Variants in LMO2 observed in about 807,000 individuals in gnomAD.
LMO2 encodes the protein LIM domain only 2.
In LMO2, 20 loss-of-function variants were observed where a neutral mutation model predicts 23.2. The ratio of observed to expected loss-of-function variants is 0.86; its 90% CI spans 0.61 to 1.25. The LOEUF (loss-of-function observed/expected upper bound fraction) is 1.25, where lower values mean the gene tolerates loss of function less well. Ranked by LOEUF, LMO2 falls within the 50% of genes most tolerant of loss-of-function variation. The probability of loss-of-function intolerance (pLI) is 0.00; values close to 1 mark genes in which losing one functional copy is unlikely to be tolerated. For synonymous variants in LMO2, 123 were observed against 130.2 expected (o/e 0.94, Z 0.38); for missense variants, 270 against 315.3 (o/e 0.86, Z 1.09).
At chr11:33,875,817 G>A (rs956639442) in intron 2 of LMO2, among the ~76,000 whole-genome samples, 1 of 152,182 alleles carries the variant, frequency 6.6e-6, no homozygotes, top group Non-Finnish European at 1.5e-5. Flanking sequence ...CTTTGTTTAG[G>A]CAGCCTGTCT....
chr11:33,880,252 G>GAT lies in LMO2; in HGVS notation c.-272+1570_-272+1571dup, dbSNP rs74210193. On this transcript the variant is annotated intron_variant, in intron 2 of 5. Coordinates refer to ENST00000257818, the MANE Select transcript of LMO2 (RefSeq NM_005574.4). The surrounding 1 kb of genome is among the most constrained non-coding windows in gnomAD (Gnocchi z 4.3). ...TGATATATATATCATATATACACAT[G>GAT]ATATATATATCATACATACACATGA... Among the ~76,000 whole-genome samples, 3 of 43,910 alleles carry GAT rather than the reference G, an allele frequency of 6.8e-5. No homozygotes were observed. Among genetic ancestry groups the GAT allele is most frequent in the African/African-American group, 1.3e-4 (2 of 15,494 alleles). The allele number at this position is 43,910 out of a possible 152,430, so 28.8% of individuals were successfully genotyped here.
At chr11:33,861,109 T>C (rs1380652405) in intron 5 of LMO2, among the ~76,000 whole-genome samples, 6 of 152,206 alleles carry the variant, frequency 3.9e-5, no homozygotes, top group Admixed American at 3.3e-4. Flanking sequence ...AGGGCACCCA[T>C]GGTCAAGGGC....
chr11:33,862,136 G>A (rs939705992), intron 5 of LMO2, among the ~76,000 whole-genome samples: 5 of 152,194 alleles, frequency 3.3e-5, no homozygotes, highest in African/African-American at 1.2e-4. Context: ...AAACCTGGAA[G>A]GCAGCAGGGG....
In LMO2 at chr11:33,865,866, C is replaced by G. The variant is rs368663730; in HGVS notation, c.249-1049G>C. 5.9e-5 allele frequency among the ~76,000 whole-genome samples: 9 copies of G among 152,342 alleles called. No homozygotes were observed. The East Asian group carries it at 1.5e-3, about 26-fold the overall frequency. On this transcript the variant is annotated intron_variant, in intron 4 of 5. Coordinates refer to ENST00000257818, the MANE Select transcript of LMO2 (RefSeq NM_005574.4). ...TGGAAGGAATTATTCTAGTGTCCCCCACATGGGACACAGCAAACACTTAAT... is the reference window on the plus strand; with the variant it reads ...TGGAAGGAATTATTCTAGTGTCCCCGACATGGGACACAGCAAACACTTAAT...
chr11:33,868,707 G>T (rs572742130), intron 4 of LMO2, among the ~76,000 whole-genome samples: 1 of 152,106 alleles, frequency 6.6e-6, no homozygotes, highest in Non-Finnish European at 1.5e-5. Flanking sequence ...ATTAACTTTC[G>T]AGGTTCACAT....
At position 33,873,001 on chromosome 11, in the gene LMO2, G is replaced by A. The variant is rs150621671; in HGVS notation, c.-271-3014C>T. Among the ~76,000 whole-genome samples the A allele has an allele frequency of 5.2e-3, 785 of 152,086 alleles. 5 individuals carry two copies. Among genetic ancestry groups the A allele is most frequent in the African/African-American group, 0.018 (752 of 41,466 alleles). The stretch of plus-strand genomic sequence containing the variant: ...TGGTCTGAAACTCCTGACCTCAGGC[G>A]GTCCATCTGCCTCAGCCTCCCACAG... On this transcript the variant is annotated intron_variant, in intron 2 of 5. Transcript: ENST00000257818.
rs146511552 is a variant in LMO2, at chr11:33,887,827, G to C, written c.-336+3968C>G. Among the ~76,000 whole-genome samples the C allele has an allele frequency of 1.5e-3, 234 of 152,236 alleles. 2 individuals carry two copies. The highest frequency in any genetic ancestry group is 5.6e-3 in the African/African-American group (232 of 41,542). ...GGGCTCAAGCCATCTGCCCGCCTTG[G>C]CCTCCCAAAGTGATGGGATTACAGG... is the stretch of plus-strand genomic sequence containing the variant. On this transcript the variant is annotated intron_variant, in intron 1 of 5. Transcript: ENST00000257818.
chr11:33,888,666 CTG>C (rs1294106913), intron 1 of LMO2, among the ~76,000 whole-genome samples: 1 of 152,218 alleles, frequency 6.6e-6, no homozygotes, highest in Non-Finnish European at 1.5e-5. Context: ...TTCCCTCACT[CTG>C]TGTTATTTTT....
chr11:33,881,477 G>A (rs960577104), intron 2 of LMO2: 2 of 442,296 alleles, frequency 4.5e-6, no homozygotes, highest in African/African-American at 2.0e-5. Context: ...TGTGACTTGG[G>A]TTGGGAGACG....
Position 33,864,570 on chromosome 11 carries a change from C to T in LMO2, c.464+32G>A. 1 of 1,585,670 alleles carries T rather than the reference C, an allele frequency of 6.3e-7. No individual in the cohort carries two copies. The highest frequency in any genetic ancestry group is 2.1e-4 in the Middle Eastern group (1 of 4,834). ...GTCCATGGACCACCCAGCCTCCCTTCCGAGGGCCCAGTGGAGTGCCGGGGA... is the reference window on the plus strand; with the variant it reads ...GTCCATGGACCACCCAGCCTCCCTTTCGAGGGCCCAGTGGAGTGCCGGGGA... On this transcript the variant is annotated intron_variant, in intron 5 of 5. Transcript: ENST00000257818. This position sits in a 1 kb window ranked among gnomAD's most constrained non-coding sequence, Gnocchi z 4.8.
chr11:33,867,678 A>G (rs1014981611), intron 4 of LMO2, among the ~76,000 whole-genome samples: 4 of 152,188 alleles, frequency 2.6e-5, no homozygotes, highest in African/African-American at 9.7e-5. Context: ...GCAAATAGTG[A>G]AGTGAAGGAA....
At chr11:33,869,629 C>A in intron 3 of LMO2, 43 bp from the exon 4 acceptor site, 1 of 1,258,718 alleles carries the variant, frequency 7.9e-7, no homozygotes. Context: ...GGGCTGCGGG[C>A]GCGCCGCGGC....
chr11:33,880,535 A>G lies in LMO2; in HGVS notation c.-272+1289T>C, dbSNP rs1343942492. 6.6e-6 allele frequency: 1 copy of G among 152,218 alleles called. No individual in the cohort carries two copies. Among genetic ancestry groups the G allele is most frequent in the Non-Finnish European group, 1.5e-5 (1 of 68,094 alleles). 9.4% of individuals were successfully genotyped at this position (152,218 alleles called of 1,614,324 possible). A position where few individuals can be genotyped will look rare whatever the true frequency, so the allele number is the denominator to read the frequency against. On this transcript the variant is annotated intron_variant, in intron 2 of 5. Coordinates refer to ENST00000257818, the MANE Select transcript of LMO2 (RefSeq NM_005574.4). The surrounding 1 kb of genome is among the most constrained non-coding windows in gnomAD (Gnocchi z 4.3). ...TAGGGGGAGGGGATAGTTATTGTTT[A>G]ATGGACAAAACATTTCAGTTGGAAA...
intron 1 of LMO2, among the ~76,000 whole-genome samples, chr11:33,883,603 ACATCAG>A (rs1158525981): frequency 6.6e-6 from 1 of 152,218 alleles, no homozygotes; most frequent in Non-Finnish European, 1.5e-5. Context: ...GAGTGGATGG[ACATCAG>A]CATGGAAGGC....
intron 1 of LMO2, among the ~76,000 whole-genome samples, chr11:33,882,511 G>T (rs1857309469): frequency 1.3e-5 from 2 of 152,302 alleles, no homozygotes; most frequent in South Asian, 4.1e-4. Flanking sequence ...TCACAGGAAT[G>T]TCTTTTGAAA....
chr11:33,862,947 G>GTT lies in LMO2; in HGVS notation c.464+1653_464+1654dup, dbSNP rs35696363. ...AATTAACATTGGGTTCTCCCAGACTGTTTTTTTTTTCCTCTCCTTTTTGAA... is the reference window on the plus strand; with the variant it reads ...AATTAACATTGGGTTCTCCCAGACTGTTTTTTTTTTTTCCTCTCCTTTTTGAA... On this transcript the variant is annotated intron_variant, in intron 5 of 5. Coordinates refer to ENST00000257818, the MANE Select transcript of LMO2 (RefSeq NM_005574.4). Among the ~76,000 whole-genome samples the GTT allele has an allele frequency of 3.1e-4, 47 of 150,082 alleles. 1 individual carries two copies. The South Asian group carries it at 6.1e-3, about 20-fold the overall frequency.
At chr11:33,887,364 T>G (rs1857435842) in intron 1 of LMO2, among the ~76,000 whole-genome samples, 1 of 152,200 alleles carries the variant, frequency 6.6e-6, no homozygotes. Context: ...CCGTCAATTT[T>G]CCATCATGAG....
chr11:33,880,759 ATTTTACAT>A lies in LMO2; in HGVS notation c.-272+1057_-272+1064del. The A allele has an allele frequency of 5.7e-6, 1 of 174,634 alleles. No individual in the cohort carries two copies. The highest frequency in any genetic ancestry group is 1.3e-4 in the South Asian group (1 of 7,986). 10.8% of individuals were successfully genotyped at this position (174,634 alleles called of 1,614,324 possible). A position where few individuals can be genotyped will look rare whatever the true frequency, so the allele number is the denominator to read the frequency against. On this transcript the variant is annotated intron_variant, in intron 2 of 5. Coordinates refer to ENST00000257818, the MANE Select transcript of LMO2 (RefSeq NM_005574.4). This position sits in a 1 kb window ranked among gnomAD's most constrained non-coding sequence, Gnocchi z 4.3. ...GTGTAGCTCTGTTCCTACATGCAAA[ATTTTACAT>A]ATTGTTCCAGGGAGCTCACGGTCTT...
chr11:33,869,892 G>A lies in LMO2; in HGVS notation c.-176C>T. 1.9e-6 allele frequency: 2 copies of A among 1,050,546 alleles called. No individual in the cohort carries two copies. Among genetic ancestry groups the A allele is most frequent in the Non-Finnish European group, 2.3e-6 (2 of 871,826 alleles). 65.1% of individuals were successfully genotyped at this position (1,050,546 alleles called of 1,614,324 possible). ...AGAGGGGGCGGCGGCCTAGGGGCGG[G>A]GAGGGGACCGTGCGTCTCTCTCCGG... is the stretch of plus-strand genomic sequence containing the variant. On this transcript the variant is annotated 5_prime_UTR_variant, in exon 3 of 6. Transcript: ENST00000257818.
Sources: gnomAD v4.1 joint callset for allele counts (sites outside exome capture counted in the v4.1 genomes callset) on GRCh38, gnomAD v4.1.1 for gene constraint, Gnocchi (gnomAD v3.1) non-coding constraint, MANE v1.5 for transcripts, NCBI Gene and HGNC (gene_info 2026-07-23, HGNC 2026-07-21) for gene names.